Variants in NREP observed in about 807,000 individuals in gnomAD.
The protein encoded by NREP is neuronal regeneration related protein.
A neutral mutation model predicts 8.6 loss-of-function variants in NREP; 5 were observed. The observed-to-expected ratio is 0.58, with a 90% CI of 0.30 to 1.22. The LOEUF (loss-of-function observed/expected upper bound fraction) is 1.22, where lower values mean the gene tolerates loss of function less well. Ranked by LOEUF, NREP falls within the 50% of genes most tolerant of loss-of-function variation. NREP has a pLI of 0.07. For missense variants in NREP, 86 were observed against 82.5 expected, an observed-to-expected ratio of 1.04 and a Z score of -0.17; for synonymous variants, 27 against 28.0, an observed-to-expected ratio of 0.96 and a Z score of 0.11.
intron 3 of NREP, among the ~76,000 whole-genome samples, chr5:111,731,323 A>G (rs1748540896): frequency 6.6e-6 from 1 of 151,952 alleles, no homozygotes; most frequent in Non-Finnish European, 1.5e-5. Flanking sequence ...TGTGTGAGGC[A>G]GCATTCCCCA....
At chr5:111,923,748 A>C (rs1403124694) in intron 2 of NREP, among the ~76,000 whole-genome samples, 17 of 152,138 alleles carry the variant, frequency 1.1e-4, no homozygotes, top group Non-Finnish European at 1.5e-5. Context: ...GGTCTGAGTT[A>C]AAACTCCCAG....
At chr5:111,969,204 T>C (rs912727127) in intron 2 of NREP, among the ~76,000 whole-genome samples, 4 of 152,222 alleles carry the variant, frequency 2.6e-5, no homozygotes, top group African/African-American at 9.7e-5. Context: ...GTTAAAAATA[T>C]TGAACTTGTG....
In NREP at chr5:111,871,053, CGTGT is replaced by C. The variant is rs34667486; in HGVS notation, c.135+104217_135+104220del. ...TTCTCTAGAAAAACAGAACCAATGG[CGTGT>C]GTGTGTGTGTGTGTGTGTGTGTGTG... On this transcript the variant is annotated intron_variant, in intron 2 of 3. Transcript: ENST00000395634. 6.3e-3 allele frequency among the ~76,000 whole-genome samples: 895 copies of C among 142,698 alleles called. 11 individuals carry two copies. The highest frequency in any genetic ancestry group is 0.019 in the African/African-American group (740 of 38,064). 93.6% of individuals were successfully genotyped at this position (142,698 alleles called of 152,430 possible).
intron 3 of NREP, chr5:111,732,926 T>G (rs540018832): frequency 2.0e-4 from 30 of 152,360 alleles, no homozygotes; most frequent in African/African-American, 7.0e-4. Context: ...AGACTTACTC[T>G]GTTCAAAAGT....
intron 2 of NREP, among the ~76,000 whole-genome samples, chr5:111,893,589 G>C (rs1754441577): frequency 6.6e-6 from 1 of 150,924 alleles, no homozygotes; most frequent in Admixed American, 6.6e-5. Context: ...ATAAAAAGTT[G>C]CATGAAAAAT....
chr5:111,933,214 TTC>T (rs1439491223), intron 2 of NREP, among the ~76,000 whole-genome samples: 1 of 152,112 alleles, frequency 6.6e-6, no homozygotes, highest in African/African-American at 2.4e-5. Context: ...ATGCCTATGG[TTC>T]TCTGTCTTTG....
chr5:111,733,817 C>T (rs934589369), intron 3 of NREP: 7 of 152,144 alleles, frequency 4.6e-5, no homozygotes, highest in African/African-American at 1.7e-4. Context: ...AGTTAATGTG[C>T]CTCGGGGTGG....
chr5:111,813,344 T>C (rs1752311555), intron 2 of NREP, among the ~76,000 whole-genome samples: 2 of 152,282 alleles, frequency 1.3e-5, no homozygotes, highest in African/African-American at 4.8e-5. Context: ...TAATAACACT[T>C]ATAATATTTT....
chr5:111,895,942 A>G (rs1192557741), intron 2 of NREP, among the ~76,000 whole-genome samples: 1 of 152,212 alleles, frequency 6.6e-6, no homozygotes, highest in East Asian at 1.9e-4. Flanking sequence ...AAAACGATTG[A>G]TAAGACTGTT....
At chr5:111,764,230 G>T (rs1399689091) in intron 2 of NREP, among the ~76,000 whole-genome samples, 1 of 152,204 alleles carries the variant, frequency 6.6e-6, no homozygotes, top group African/African-American at 2.4e-5. Flanking sequence ...CTGACCACTA[G>T]TTGTGAAGTT....
intron 2 of NREP, among the ~76,000 whole-genome samples, chr5:111,904,432 C>G (rs995795273): frequency 1.3e-5 from 2 of 152,016 alleles, no homozygotes; most frequent in African/African-American, 2.4e-5. Flanking sequence ...CTTCCCAAAC[C>G]CCTGACAACC....
upstream of NREP, chr5:111,757,987 G>T (rs769415092): frequency 6.8e-5 from 67 of 985,376 alleles, no homozygotes; most frequent in Non-Finnish European, 6.9e-5. Flanking sequence ...GGCGACGGGC[G>T]GCAGCCGCCT....
intron 2 of NREP, among the ~76,000 whole-genome samples, chr5:111,956,955 C>T (rs1399114165): frequency 7.6e-6 from 1 of 131,700 alleles, no homozygotes; most frequent in African/African-American, 2.9e-5. Flanking sequence ...CACAATGAGA[C>T]CATGTCTCTA....
intron 2 of NREP, among the ~76,000 whole-genome samples, chr5:111,789,511 A>AT (rs1751692001): frequency 6.6e-6 from 1 of 152,058 alleles, no homozygotes; most frequent in African/African-American, 2.4e-5. Flanking sequence ...TCCTAGCTTG[A>AT]TTTTCTTAAG....
chr5:111,955,475 AAAAAAAC>A lies in NREP; in HGVS notation c.135+19792_135+19798del, dbSNP rs1223482037. Among the ~76,000 whole-genome samples, 152 of 123,806 alleles carry A rather than the reference AAAAAAAC, an allele frequency of 1.2e-3. No individual in the cohort carries two copies. The South Asian group carries it at 0.029, about 24-fold the overall frequency. 81.2% of individuals were successfully genotyped at this position (123,806 alleles called of 152,430 possible). A position where few individuals can be genotyped will look rare whatever the true frequency, so the allele number is the denominator to read the frequency against. On this transcript the variant is annotated intron_variant, in intron 2 of 3. Coordinates refer to the NREP transcript ENST00000395634. ...TACACAGGGGGCCAATACAGAAAAA[AAAAAAAC>A]AAAAAACAAAAAACAAAAAAAAAAA...
At chr5:111,954,085 C>G (rs1756241804) in intron 2 of NREP, among the ~76,000 whole-genome samples, 1 of 152,064 alleles carries the variant, frequency 6.6e-6, no homozygotes, top group South Asian at 2.1e-4. Flanking sequence ...TTCAGCCAAG[C>G]ACATGATTAA....
intron 2 of NREP, among the ~76,000 whole-genome samples, chr5:111,744,343 G>C (rs1749867797): frequency 6.6e-6 from 1 of 152,124 alleles, no homozygotes; most frequent in South Asian, 2.1e-4. Context: ...TGGAGGGAAA[G>C]TGGTTTCTAT....
intron 2 of NREP, among the ~76,000 whole-genome samples, chr5:111,966,371 T>A (rs1386163169): frequency 6.6e-6 from 1 of 152,220 alleles, no homozygotes; most frequent in Non-Finnish European, 1.5e-5. Flanking sequence ...ATAATCAATC[T>A]GCTTTTAATC....
At chr5:111,933,455 T>C (rs894301599) in intron 2 of NREP, among the ~76,000 whole-genome samples, 2 of 152,138 alleles carry the variant, frequency 1.3e-5, no homozygotes, top group Admixed American at 6.6e-5. Context: ...TCTAATACTA[T>C]AACAATTGCA....
Sources: allele counts gnomAD v4.1 joint callset (sites outside exome capture counted in the v4.1 genomes callset), GRCh38; gene constraint gnomAD v4.1.1; transcripts MANE v1.5; gene names NCBI Gene and HGNC (gene_info 2026-07-23, HGNC 2026-07-21).